Variants in CDH18 observed in about 807,000 individuals in gnomAD.
The protein encoded by CDH18 is cadherin 18.
CDH18 carries 31 observed loss-of-function variants against 67.9 expected under a neutral mutation model. That is an observed-to-expected ratio of 0.46 (90% CI 0.34 to 0.62). The LOEUF (loss-of-function observed/expected upper bound fraction) is 0.62. CDH18 is among the 20% of genes least tolerant of loss of function. The probability of loss-of-function intolerance (pLI) is 0.01; values close to 1 mark genes in which losing one functional copy is unlikely to be tolerated. For synonymous variants in CDH18, 362 were observed against 347.2 expected, an observed-to-expected ratio of 1.04 and a Z score of -0.48; for missense variants, 890 against 975.5, an observed-to-expected ratio of 0.91 and a Z score of 1.17.
chr5:19,638,072 GTTTC>G (rs1753421729), intron 5 of CDH18, among the ~76,000 whole-genome samples: 1 of 151,962 alleles, frequency 6.6e-6, no homozygotes, highest in Admixed American at 6.5e-5. Flanking sequence ...ATATTGGTTT[GTTTC>G]GTTTGTTAAC....
chr5:20,309,796 T>C (rs1476900813), intron 1 of CDH18, among the ~76,000 whole-genome samples: 6 of 152,224 alleles, frequency 3.9e-5, no homozygotes, highest in African/African-American at 1.4e-4. Context: ...AGTCAGTGTT[T>C]GTTTTACTAC....
At chr5:20,351,160 TTGTGTGTGTGTGTG>T (rs375375615) in intron 1 of CDH18, among the ~76,000 whole-genome samples, 1 of 132,092 alleles carries the variant, frequency 7.6e-6, no homozygotes, top group Non-Finnish European at 1.6e-5. Context: ...GTAAATGTAT[TTGTGTGTGTGTGTG>T]TGTGTGTGTG....
At chr5:20,336,572 A>T (rs1349260888) in intron 1 of CDH18, among the ~76,000 whole-genome samples, 1 of 151,692 alleles carries the variant, frequency 6.6e-6, no homozygotes, top group East Asian at 1.9e-4. Context: ...AATACAAAAA[A>T]ATTAGCCGGC....
chr5:20,139,429 C>T (rs1027951353), intron 2 of CDH18, among the ~76,000 whole-genome samples: 1 of 152,128 alleles, frequency 6.6e-6, no homozygotes, highest in African/African-American at 2.4e-5. Context: ...GACTAAAACA[C>T]CAAAAGCAAT....
At chr5:19,702,386 C>T (rs558424424) in intron 5 of CDH18, among the ~76,000 whole-genome samples, 1 of 151,638 alleles carries the variant, frequency 6.6e-6, no homozygotes, top group East Asian at 2.0e-4. Flanking sequence ...TGAGCTCAGG[C>T]AATCAGCCCA....
intron 2 of CDH18, among the ~76,000 whole-genome samples, chr5:20,252,188 T>C (rs2940462): frequency 0.3 from 45,351 of 151,682 alleles, 7,443 homozygotes; most frequent in Non-Finnish European, 0.37. Context: ...CCCTTTCTAC[T>C]AAAAATACAA....
intron 10 of CDH18, among the ~76,000 whole-genome samples, chr5:19,505,732 G>A (rs556079742): frequency 6.6e-6 from 1 of 152,046 alleles, no homozygotes; most frequent in Non-Finnish European, 1.5e-5. Context: ...GTATTTTATT[G>A]AGGATTTTTG....
intron 2 of CDH18, among the ~76,000 whole-genome samples, chr5:20,014,117 G>A (rs941580930): frequency 6.6e-6 from 1 of 152,108 alleles, no homozygotes; most frequent in Admixed American, 6.6e-5. Context: ...GAGAGGCATA[G>A]AGGTACTGCT....
At chr5:20,336,105 G>A (rs1739704769) in intron 1 of CDH18, among the ~76,000 whole-genome samples, 1 of 152,160 alleles carries the variant, frequency 6.6e-6, no homozygotes, top group African/African-American at 2.4e-5. Context: ...TCAAACTTTA[G>A]ATGATGAGGC....
chr5:20,161,154 T>C (rs1440271026), intron 2 of CDH18, among the ~76,000 whole-genome samples: 1 of 152,212 alleles, frequency 6.6e-6, no homozygotes, highest in African/African-American at 2.4e-5. Context: ...TATTGATTTA[T>C]TAATTTTTGT....
chr5:20,005,192 T>C (rs2150406919), intron 2 of CDH18, among the ~76,000 whole-genome samples: 1 of 152,250 alleles, frequency 6.6e-6, no homozygotes, highest in Admixed American at 6.5e-5. Flanking sequence ...GCAGATTATC[T>C]ACTGAGAAAT....
intron 2 of CDH18, among the ~76,000 whole-genome samples, chr5:20,195,625 T>C (rs914476866): frequency 5.9e-5 from 9 of 152,046 alleles, no homozygotes; most frequent in African/African-American, 2.2e-4. Context: ...TTGTAGTCAA[T>C]AAATATGCTA....
chr5:20,358,031 CA>C (rs1413403396), intron 1 of CDH18, among the ~76,000 whole-genome samples: 1 of 152,096 alleles, frequency 6.6e-6, no homozygotes, highest in Non-Finnish European at 1.5e-5. Context: ...TTATTCTAAG[CA>C]AACTAGGGCA....
At chr5:20,452,663 G>A (rs1190389193) in intron 1 of CDH18, among the ~76,000 whole-genome samples, 1 of 151,988 alleles carries the variant, frequency 6.6e-6, no homozygotes, top group Non-Finnish European at 1.5e-5. Context: ...TGTGTATGAG[G>A]CTTAGTACCT....
intron 1 of CDH18, among the ~76,000 whole-genome samples, chr5:20,259,605 T>C (rs548175468): frequency 6.6e-6 from 1 of 152,316 alleles, no homozygotes; most frequent in East Asian, 1.9e-4. Flanking sequence ...TACTTTAGAA[T>C]ACAGTATTTA....
chr5:20,088,563 T>C (rs1745166107), intron 2 of CDH18, among the ~76,000 whole-genome samples: 1 of 152,144 alleles, frequency 6.6e-6, no homozygotes, highest in Non-Finnish European at 1.5e-5. Context: ...GAAGCCAGCC[T>C]GTGTGGACAT....
chr5:19,496,754 G>T (rs908790123), intron 11 of CDH18, among the ~76,000 whole-genome samples: 4 of 145,294 alleles, frequency 2.8e-5, no homozygotes, highest in African/African-American at 1.0e-4. Context: ...GGAGGTTTCA[G>T]TGAGCTGAGA....
At chr5:20,256,959 A>ATCTG (rs1554108480) in intron 1 of CDH18, among the ~76,000 whole-genome samples, 4 of 125,206 alleles carry the variant, frequency 3.2e-5, no homozygotes, top group African/African-American at 1.0e-4. Flanking sequence ...CTATCTATCT[A>ATCTG]TCTAATCTAT....
At chr5:20,343,841 A>T (rs1285597055) in intron 1 of CDH18, among the ~76,000 whole-genome samples, 2 of 152,168 alleles carry the variant, frequency 1.3e-5, no homozygotes, top group Admixed American at 6.5e-5. Context: ...TTGACAAACG[A>T]GTATCCTCAC....
Sources: gnomAD v4.1 joint callset for allele counts (sites outside exome capture counted in the v4.1 genomes callset) on GRCh38, gnomAD v4.1.1 for gene constraint, MANE v1.5 for transcripts, NCBI Gene and HGNC (gene_info 2026-07-23, HGNC 2026-07-21) for gene names.